The following COL27A1 variants were observed in gnomAD, a reference collection of about 807,000 sequenced individuals.
The protein encoded by COL27A1 is collagen alpha-1(XXVII) chain.
COL27A1 carries 106 observed loss-of-function variants against 251.3 expected under a neutral mutation model. The observed-to-expected ratio is 0.42, with a 90% confidence interval of 0.36 to 0.50. COL27A1 has a LOEUF of 0.50. COL27A1 is among the 20% of genes least tolerant of loss of function. The pLI is 0.00. For missense variants in COL27A1, 2,325 were observed against 2,522.8 expected, an observed-to-expected ratio of 0.92 and a Z score of 1.68; for synonymous variants, 1,000 against 986.3, an observed-to-expected ratio of 1.01 and a Z score of -0.26.
At chr9:114,282,587 G>T (rs1383044509) in intron 39 of COL27A1, 23 bp downstream of exon 39, 15 of 1,436,650 alleles carry the variant, frequency 1.0e-5, no homozygotes, top group Middle Eastern at 2.1e-4. Flanking sequence ...TGGCTGGGGT[G>T]GGGGAGTCAG....
chr9:114,190,306 C>G (rs556191612), intron 5 of COL27A1, among the ~76,000 whole-genome samples: 109 of 152,216 alleles, frequency 7.2e-4, no homozygotes, highest in Admixed American at 2.0e-3. Flanking sequence ...GGGTCTTGGT[C>G]TGTCATCCAG....
intron 36 of COL27A1, among the ~76,000 whole-genome samples, 198 bp from the exon 37 acceptor site, chr9:114,275,463 G>T (rs1835434956): frequency 6.6e-6 from 1 of 152,156 alleles, no homozygotes; most frequent in Admixed American, 6.5e-5. Flanking sequence ...ATGCATCCTT[G>T]TGCAAGCTTA....
intron 44 of COL27A1, 78 bp from the exon 45 acceptor site, chr9:114,289,164 C>T (rs897081680): frequency 2.9e-6 from 4 of 1,393,158 alleles, no homozygotes; most frequent in African/African-American, 2.9e-5. Flanking sequence ...CCACCCCTCC[C>T]CCTCCAGGCG....
At position 114,250,672 on chromosome 9, in the gene COL27A1, A is replaced by G. The variant is rs754505765; in HGVS notation, c.3033+4A>G. ...GCCAGGAATCGTGGGAGAAAAGGTA[A>G]GTGGTGTTGAGGGGAAAAGATAAAC... On this transcript the variant is annotated splice_donor_region_variant and intron_variant, in intron 25 of 60. Coordinates refer to ENST00000356083, the MANE Select transcript of COL27A1 (RefSeq NM_032888.4). 6.2e-7 allele frequency: 1 copy of G among 1,610,868 alleles called. No homozygotes were observed. The highest frequency in any genetic ancestry group is 8.5e-7 in the Non-Finnish European group (1 of 1,177,246).
At chr9:114,300,758 C>A in intron 51 of COL27A1, 71 bp downstream of exon 51, 1 of 1,294,430 alleles carries the variant, frequency 7.7e-7, no homozygotes, top group Non-Finnish European at 1.0e-6. Flanking sequence ...CATCAGCTGG[C>A]CTGTCTTCAT....
intron 16 of COL27A1, 114 bp downstream of exon 16, chr9:114,231,980 TCTC>T (rs1831998626): frequency 1.0e-6 from 1 of 1,004,918 alleles, no homozygotes; most frequent in African/African-American, 1.6e-5. Flanking sequence ...TCTTCCTGCC[TCTC>T]CTCTGGCCTC....
At chr9:114,300,553 G>C (rs1385967005) in intron 50 of COL27A1, 72 bp from the exon 51 acceptor site, 2 of 1,274,090 alleles carry the variant, frequency 1.6e-6, no homozygotes, top group African/African-American at 3.1e-5. Context: ...AGACCCCAGG[G>C]GTGAGGGAGC....
At chr9:114,182,910 G>A (rs1828042229) in intron 4 of COL27A1, 112 bp from the exon 5 acceptor site, 2 of 921,846 alleles carry the variant, frequency 2.2e-6, no homozygotes, top group Non-Finnish European at 3.5e-6. Context: ...GGCTTGGCTT[G>A]GGGAGAAGAT....
intron 27 of COL27A1, among the ~76,000 whole-genome samples, chr9:114,253,866 A>G (rs983048207): frequency 2.0e-5 from 3 of 152,198 alleles, no homozygotes; most frequent in South Asian, 2.1e-4. Flanking sequence ...TTACTGAGCG[A>G]TAAGTGCTTG....
At chr9:114,280,493 G>A (rs540548775) in intron 37 of COL27A1, among the ~76,000 whole-genome samples, 2 of 152,262 alleles carry the variant, frequency 1.3e-5, no homozygotes, top group South Asian at 2.1e-4. Flanking sequence ...ATGAGCCACC[G>A]TGTCCAGCCT....
intron 21 of COL27A1, among the ~76,000 whole-genome samples, chr9:114,241,764 G>A (rs1832772657): frequency 6.6e-6 from 1 of 152,204 alleles, no homozygotes; most frequent in Non-Finnish European, 1.5e-5. Flanking sequence ...TGACCTCCAG[G>A]AACTCAGCTG....
intron 5 of COL27A1, among the ~76,000 whole-genome samples, chr9:114,193,495 G>T (rs574192689): frequency 6.6e-6 from 1 of 152,258 alleles, no homozygotes; most frequent in South Asian, 2.1e-4. Flanking sequence ...AGGAGCCAGG[G>T]CATCCTGGAA....
chr9:114,165,678 AT>A (rs1564413618), intron 2 of COL27A1, among the ~76,000 whole-genome samples: 6 of 149,858 alleles, frequency 4.0e-5, no homozygotes, highest in African/African-American at 1.5e-4. Flanking sequence ...CCATCCATCC[AT>A]CCATCTACCC....
intron 59 of COL27A1, among the ~76,000 whole-genome samples, chr9:114,308,620 G>A (rs1829229847): frequency 6.6e-6 from 1 of 152,212 alleles, no homozygotes; most frequent in Non-Finnish European, 1.5e-5. Context: ...TCTCTTCCCT[G>A]GTGACTCGAA....
At chr9:114,206,374 A>T in intron 10 of COL27A1, 78 bp downstream of exon 10, 1 of 1,455,002 alleles carries the variant, frequency 6.9e-7, no homozygotes, top group Non-Finnish European at 9.6e-7. Flanking sequence ...GCTTGATGGG[A>T]GGTCAGAGCT....
In COL27A1 at chr9:114,167,669, C is replaced by T. The variant is rs750186045; in HGVS notation, c.134-20C>T. 4.4e-6 allele frequency: 7 copies of T among 1,593,086 alleles called. No individual in the cohort carries two copies. The highest frequency in any genetic ancestry group is 5.1e-6 in the Non-Finnish European group (6 of 1,167,240). On this transcript the variant is annotated intron_variant, in intron 2 of 60. Transcript: ENST00000356083. ...GAGCAGGCCCTGACTGCGTCCTCTC[C>T]CCTTTTCCCTCCCTCTCAGATGTGG...
intron 57 of COL27A1, 53 bp from the exon 58 acceptor site, chr9:114,306,467 C>T: frequency 6.3e-7 from 1 of 1,590,240 alleles, no homozygotes; most frequent in East Asian, 2.2e-5. Flanking sequence ...GGCTTGAACC[C>T]CAGGCTGGAC....
chr9:114,253,120 C>T (rs987945784), intron 27 of COL27A1, among the ~76,000 whole-genome samples, 188 bp downstream of exon 27: 2 of 152,206 alleles, frequency 1.3e-5, no homozygotes, highest in Middle Eastern at 3.4e-3. Flanking sequence ...ATTCGCTGGG[C>T]GTGGTGACAC....
chr9:114,182,197 TAAA>T (rs1439488661), intron 4 of COL27A1, among the ~76,000 whole-genome samples: 7 of 140,094 alleles, frequency 5.0e-5, no homozygotes, highest in African/African-American at 1.1e-4. Flanking sequence ...AATAAAATAA[TAAA>T]AATAATAAAA....
Sources: allele counts gnomAD v4.1 joint callset (sites outside exome capture counted in the v4.1 genomes callset), GRCh38; gene constraint gnomAD v4.1.1; transcripts MANE v1.5; gene names NCBI Gene and HGNC (gene_info 2026-07-23, HGNC 2026-07-21).